Variants in RPS6KC1 observed in about 807,000 individuals in gnomAD.
RPS6KC1 encodes the protein inactive ribosomal protein S6 kinase delta-1.
A neutral mutation model predicts 103.8 loss-of-function variants in RPS6KC1; 54 were observed. That is an observed-to-expected ratio of 0.52 (90% CI 0.42 to 0.65). The LOEUF is 0.65. Ranked by LOEUF, RPS6KC1 falls within the 30% of genes least tolerant of loss-of-function variation. RPS6KC1 has a pLI of 0.00. For missense variants in RPS6KC1, 1,151 were observed against 1,253.8 expected (o/e 0.92, Z 1.24); for synonymous variants, 439 against 438.7 (o/e 1.00, Z -0.01).
At chr1:213,548,139 T>A in the RPS6KC1 span, among the ~76,000 whole-genome samples, 1 of 152,248 alleles carries the variant, frequency 6.6e-6, no homozygotes, top group Non-Finnish European at 1.5e-5. Flanking sequence ...TGTATTTACA[T>A]GATACCAAGT....
chr1:213,827,423 C>T, the RPS6KC1 span, among the ~76,000 whole-genome samples: 38 of 152,336 alleles, frequency 2.5e-4, no homozygotes, highest in South Asian at 7.5e-3. Context: ...GCACTCCACC[C>T]TCGCCATAGA....
the RPS6KC1 span, among the ~76,000 whole-genome samples, chr1:213,400,855 C>T: frequency 1.3e-5 from 2 of 152,064 alleles, no homozygotes; most frequent in Non-Finnish European, 1.5e-5. Context: ...TATAGGCACA[C>T]ACCACCGTGC....
chr1:213,478,900 T>C, the RPS6KC1 span, among the ~76,000 whole-genome samples: 2 of 152,058 alleles, frequency 1.3e-5, no homozygotes, highest in Non-Finnish European at 2.9e-5. Flanking sequence ...GGAACAATTC[T>C]CATGAATTTG....
the RPS6KC1 span, among the ~76,000 whole-genome samples, chr1:213,504,779 T>C: frequency 6.6e-6 from 1 of 152,236 alleles, no homozygotes; most frequent in Non-Finnish European, 1.5e-5. Flanking sequence ...CTTGTTTTTT[T>C]CCCCTCTCTC....
chr1:213,213,083 T>C (rs2093559193), intron 8 of RPS6KC1, among the ~76,000 whole-genome samples: 1 of 152,234 alleles, frequency 6.6e-6, no homozygotes, highest in South Asian at 2.1e-4. Context: ...GTCTATCTTA[T>C]CAATTGTTTC....
chr1:213,548,401 G>A, the RPS6KC1 span, among the ~76,000 whole-genome samples: 48 of 152,314 alleles, frequency 3.2e-4, no homozygotes, highest in South Asian at 9.1e-3. Flanking sequence ...GGTGGCTCAC[G>A]CCTGTAATCC....
chr1:213,290,583 A>G, the RPS6KC1 span, among the ~76,000 whole-genome samples: 37 of 151,878 alleles, frequency 2.4e-4, no homozygotes, highest in African/African-American at 7.7e-4. Flanking sequence ...TTTCCAAACT[A>G]AATTCCTAGG....
At chr1:213,250,686 A>G (rs980658965) in intron 12 of RPS6KC1, among the ~76,000 whole-genome samples, 2 of 152,174 alleles carry the variant, frequency 1.3e-5, no homozygotes, top group Non-Finnish European at 2.9e-5. Context: ...ACTTTAAGCT[A>G]TTAAACTTTG....
the RPS6KC1 span, among the ~76,000 whole-genome samples, chr1:213,378,680 A>G: frequency 1.3e-5 from 2 of 152,336 alleles, no homozygotes; most frequent in East Asian, 3.9e-4. Flanking sequence ...ATATTTATTC[A>G]TTCGTGAAAT....
chr1:213,408,229 A>G, the RPS6KC1 span, among the ~76,000 whole-genome samples: 31 of 152,330 alleles, frequency 2.0e-4, no homozygotes, highest in African/African-American at 6.7e-4. Flanking sequence ...CAGATGGTCC[A>G]TATGCCAGGA....
chr1:213,645,980 G>T, the RPS6KC1 span, among the ~76,000 whole-genome samples: 3 of 152,154 alleles, frequency 2.0e-5, no homozygotes, highest in African/African-American at 7.2e-5. Context: ...AGTAGCCCTG[G>T]TAACTTGAGA....
At chr1:213,679,010 T>C in the RPS6KC1 span, among the ~76,000 whole-genome samples, 3 of 152,178 alleles carry the variant, frequency 2.0e-5, no homozygotes, top group East Asian at 1.9e-4. Flanking sequence ...TCCTTCCATG[T>C]TGGAGAATGG....
At chr1:213,303,113 G>A in the RPS6KC1 span, among the ~76,000 whole-genome samples, 2 of 152,200 alleles carry the variant, frequency 1.3e-5, no homozygotes, top group African/African-American at 4.8e-5. Context: ...CCGTGGCAGC[G>A]TCTGGTGTAT....
chr1:213,121,233 C>A (rs1451095401), intron 5 of RPS6KC1, among the ~76,000 whole-genome samples: 1 of 152,104 alleles, frequency 6.6e-6, no homozygotes, highest in Admixed American at 6.5e-5. Context: ...CTGTGCTTGG[C>A]CTGTTTTTTA....
At chr1:213,327,321 C>T in the RPS6KC1 span, among the ~76,000 whole-genome samples, 3 of 7,210 alleles carry the variant, frequency 4.2e-4, no homozygotes, top group East Asian at 0.062. Context: ...ACTCTTAATC[C>T]GTTAAAAAAA....
At chr1:213,530,975 A>G in the RPS6KC1 span, among the ~76,000 whole-genome samples, 1 of 152,358 alleles carries the variant, frequency 6.6e-6, no homozygotes, top group South Asian at 2.1e-4. Flanking sequence ...CACTTAGATC[A>G]TGAGAATTCA....
chr1:213,413,765 G>A, the RPS6KC1 span, among the ~76,000 whole-genome samples: 1 of 152,106 alleles, frequency 6.6e-6, no homozygotes, highest in Non-Finnish European at 1.5e-5. Flanking sequence ...GTTTACACAG[G>A]TCAGCTCTAT....
At chr1:213,714,275 T>C in the RPS6KC1 span, among the ~76,000 whole-genome samples, 1 of 152,230 alleles carries the variant, frequency 6.6e-6, no homozygotes, top group African/African-American at 2.4e-5. Context: ...ATATAGATGT[T>C]AGCACTTGTT....
At chr1:213,092,746 C>T (rs1242797271) in intron 3 of RPS6KC1, among the ~76,000 whole-genome samples, 7 of 150,692 alleles carry the variant, frequency 4.6e-5, no homozygotes, top group African/African-American at 7.5e-5. Context: ...AAAACAAACG[C>T]GTATAATGAT....
Sources: allele counts gnomAD v4.1 joint callset (sites outside exome capture counted in the v4.1 genomes callset), GRCh38; gene constraint gnomAD v4.1.1; transcripts MANE v1.5; gene names NCBI Gene and HGNC (gene_info 2026-07-23, HGNC 2026-07-21).